NKAIN4: variants seen among roughly 807,000 people sequenced by gnomAD.
The protein encoded by NKAIN4 is sodium/potassium-transporting ATPase subunit beta-1-interacting protein 4.
NKAIN4 carries 28 observed loss-of-function variants against 28.8 expected under a neutral mutation model. The observed-to-expected ratio is 0.97, with a 90% CI of 0.72 to 1.33. NKAIN4 has a LOEUF of 1.33. NKAIN4 is among the 40% of genes most tolerant of loss of function. NKAIN4 has a pLI of 0.00. For synonymous variants in NKAIN4, 122 were observed against 115.6 expected, an observed-to-expected ratio of 1.06 and a Z score of -0.36; for missense variants, 289 against 277.2, an observed-to-expected ratio of 1.04 and a Z score of -0.30.
rs1365314254 is a variant in NKAIN4 at position 63,252,399 on chromosome 20, G to A, written c.54+1998C>T. 1.3e-5 allele frequency among the ~76,000 whole-genome samples: 2 copies of A among 152,032 alleles called. No homozygotes were observed. The highest frequency in any genetic ancestry group is 2.9e-5 in the Non-Finnish European group (2 of 67,998). On this transcript the variant is annotated intron_variant, in intron 1 of 6. Transcript: ENST00000370316. This position sits in a 1 kb window ranked among gnomAD's most constrained non-coding sequence, Gnocchi z 4.6. ...CACACTGTTCTTTGGGGAGAAAGGC[G>A]CTCAGAAGAGATGCCTGGGCCCTTT... is the stretch of plus-strand genomic sequence containing the variant.
At chr20:63,253,463 TC>T in intron 1 of NKAIN4, 1 of 985,526 alleles carries the variant, frequency 1.0e-6, no homozygotes, top group South Asian at 4.7e-5. Flanking sequence ...TGCTCAAAAC[TC>T]TGAAACAGCC....
At chr20:63,254,869 A>C, upstream of NKAIN4, 1 of 163,270 alleles carries the variant, frequency 6.1e-6, no homozygotes, top group East Asian at 1.7e-4. Flanking sequence ...ATCCCCATCA[A>C]CCTTCCCCGT....
At chr20:63,254,570 T>TCCCGTTCCCCCCTCCC, upstream of NKAIN4, 2 of 576,164 alleles carry the variant, frequency 3.5e-6, no homozygotes, top group Non-Finnish European at 4.6e-6. Flanking sequence ...TCCCCCCTCC[T>TCCCGTTCCCCCCTCCC]CCCCGCAACC....
upstream of NKAIN4, chr20:63,254,527 C>A: frequency 9.0e-7 from 1 of 1,113,758 alleles, no homozygotes; most frequent in Non-Finnish European, 1.1e-6. Context: ...CCCCACGCGC[C>A]GCAGCCTGGA....
chr20:63,249,872 G>T lies in NKAIN4; in HGVS notation c.192+63C>A. ...GAAAATATGCCAGGATGGTGCCATGGGAGCCGCCATCCTGGTCACCTCAAC... is the reference window on the plus strand; with the variant it reads ...GAAAATATGCCAGGATGGTGCCATGTGAGCCGCCATCCTGGTCACCTCAAC... On this transcript the variant is annotated intron_variant, in intron 2 of 6. Transcript: ENST00000370316. 3 of 1,516,028 alleles carry T rather than the reference G, an allele frequency of 2.0e-6. No individual in the cohort carries two copies. The Admixed American group carries it at 6.0e-5, about 30-fold the overall frequency. 93.9% of individuals were successfully genotyped at this position (1,516,028 alleles called of 1,614,324 possible). A position where few individuals can be genotyped will look rare whatever the true frequency, so the allele number is the denominator to read the frequency against.
rs1450879995 is a variant in NKAIN4 at position 63,242,566 on chromosome 20, G to A, written c.590C>T (p.Ser197Phe). 3 of 1,613,304 alleles carry A rather than the reference G, an allele frequency of 1.9e-6. No individual in the cohort carries two copies. Among genetic ancestry groups the A allele is most frequent in the African/African-American group, 2.7e-5 (2 of 74,910 alleles). ...GTACACCTGCTTGGACAAGAGACTG[G>A]ATGGCTTTTCATTGACATGGTAGAG... ...FPLYHVNEKP[S>F]SLLSKQVYLP... The change falls in exon 6 of 7, where the codon TCC becomes TTC. Residue 197 changes from serine (S) to phenylalanine (F), a missense_variant. Ser to Phe is a radical substitution (Grantham distance 155, BLOSUM62 -2). Transcript: ENST00000370316.
At chr20:63,243,900 C>T in intron 5 of NKAIN4, 124 bp downstream of exon 5, 2 of 768,220 alleles carry the variant, frequency 2.6e-6, no homozygotes, top group Non-Finnish European at 4.4e-6. Context: ...GAGCAAGGCC[C>T]TGCTGGGCGT....
At chr20:63,253,605 T>C (rs949861617) in intron 1 of NKAIN4, 2 of 787,414 alleles carry the variant, frequency 2.5e-6, no homozygotes, top group African/African-American at 3.8e-5. Context: ...CAAAGCAGCT[T>C]CCCCAGCCTG....
In NKAIN4 at chr20:63,244,062, C is replaced by A; in HGVS notation, c.494G>T (p.Cys165Phe). Residue 165 changes from cysteine (C) to phenylalanine (F), a missense_variant, in exon 5 of 7, where the codon TGC (cysteine) becomes TTC (phenylalanine). Physicochemically the swap from Cys to Phe is radical, Grantham distance 205 (BLOSUM62 -2). Transcript: ENST00000370316. ...CTCCGTAAACACGCTGACCACCTGGCAGCCACAGACAAAGCCCAGAAGCTG... is the reference window on the plus strand; with the variant it reads ...CTCCGTAAACACGCTGACCACCTGGAAGCCACAGACAAAGCCCAGAAGCTG... ...LIALLGFVCG[C>F]QVVSVFTEEE... 6.2e-7 allele frequency: 1 copy of A among 1,613,882 alleles called. No individual in the cohort carries two copies. Among genetic ancestry groups the A allele is most frequent in the Admixed American group, 1.7e-5 (1 of 59,984 alleles).
At chr20:63,253,586 G>C (rs2066998894) in intron 1 of NKAIN4, 1 of 887,024 alleles carries the variant, frequency 1.1e-6, no homozygotes, top group African/African-American at 1.8e-5. Context: ...GGGCCAATTA[G>C]CATCGAAGCA....
chr20:63,246,177 C>T (rs2066853520), intron 4 of NKAIN4, among the ~76,000 whole-genome samples: 1 of 152,226 alleles, frequency 6.6e-6, no homozygotes, highest in Admixed American at 6.5e-5. Flanking sequence ...ATCCGCCTGC[C>T]TCGGCCTCCC....
In NKAIN4 at chr20:63,249,970, C is replaced by T. The variant is rs147137550; in HGVS notation, c.157G>A (p.Gly53Ser). 321 of 1,613,430 alleles carry T rather than the reference C, an allele frequency of 2.0e-4. No homozygotes were observed. The African/African-American group carries it at 4.0e-3, about 20-fold the overall frequency. Reference protein sequence around the residue: ...HIIIVILGLFGTIQYRLRYVM... With the variant: ...HIIIVILGLFSTIQYRLRYVM... ...TAGCGCAGCCGGTACTGGATGGTGC[C>T]GAAGAGTCCCAGGATGACGATGATG... The change falls in exon 2 of 7, where the codon GGC (glycine) becomes AGC (serine). Residue 53 changes from glycine (G) to serine (S), a missense_variant. By Grantham distance (56) the Gly-to-Ser change is moderately conservative (BLOSUM62 0). Coordinates refer to ENST00000370316, the MANE Select transcript of NKAIN4 (RefSeq NM_152864.4).
upstream of NKAIN4, chr20:63,254,819 T>A (rs1193235227): frequency 5.2e-6 from 1 of 192,122 alleles, no homozygotes; most frequent in Non-Finnish European, 1.1e-5. Flanking sequence ...CAGGATGACC[T>A]GCCCAGCACC....
chr20:63,248,501 T>G, intron 3 of NKAIN4: 6 of 296,916 alleles, frequency 2.0e-5, no homozygotes, highest in South Asian at 8.4e-5. Flanking sequence ...CCCAGGAGGG[T>G]GGTGTCCATT....
In NKAIN4 at chr20:63,242,664, ATGG is replaced by A; in HGVS notation, c.533-44_533-42del. The A allele has an allele frequency of 6.8e-6, 10 of 1,470,138 alleles. 1 individual carries two copies. In the Middle Eastern group the frequency reaches 1.7e-3, roughly 254 times the overall value. 91.1% of individuals were successfully genotyped at this position (1,470,138 alleles called of 1,614,324 possible). On this transcript the variant is annotated intron_variant, in intron 5 of 6. Coordinates refer to ENST00000370316, the MANE Select transcript of NKAIN4 (RefSeq NM_152864.4). ...ACCCAAATAAAACAAAACCTACACA[ATGG>A]AAAAGATGTCAGAGTGGAAAACAAG...
chr20:63,248,414 T>G, intron 3 of NKAIN4: 2 of 189,290 alleles, frequency 1.1e-5, no homozygotes, highest in Non-Finnish European at 2.2e-5. Flanking sequence ...TTTCCCCTGG[T>G]TCCCTGCATT....
intron 2 of NKAIN4, chr20:63,249,239 C>T: frequency 3.1e-6 from 1 of 326,416 alleles, no homozygotes; most frequent in South Asian, 2.9e-5. Context: ...ACAGCACAGG[C>T]CTCCACTGCA....
At chr20:63,251,739 A>G (rs1396578967) in intron 1 of NKAIN4, among the ~76,000 whole-genome samples, 1 of 152,208 alleles carries the variant, frequency 6.6e-6, no homozygotes, top group Non-Finnish European at 1.5e-5. Context: ...GATGAATGAT[A>G]TTCATATATA....
chr20:63,252,462 CAA>C lies in NKAIN4; in HGVS notation c.54+1933_54+1934del, dbSNP rs374712050. ...GGTAACACAAAATTCTCACACTTGTCAAAAAAAAAAAGGGGCTATCCAACAAC... is the reference window on the plus strand; with the variant it reads ...GGTAACACAAAATTCTCACACTTGTCAAAAAAAAAGGGGCTATCCAACAAC... On this transcript the variant is annotated intron_variant, in intron 1 of 6. Transcript: ENST00000370316. The surrounding 1 kb of genome is among the most constrained non-coding windows in gnomAD (Gnocchi z 4.6). 6.8e-6 allele frequency among the ~76,000 whole-genome samples: 1 copy of C among 147,620 alleles called. No homozygotes were observed. The highest frequency in any genetic ancestry group is 1.5e-5 in the Non-Finnish European group (1 of 66,582).
Sources: allele counts gnomAD v4.1 joint callset (sites outside exome capture counted in the v4.1 genomes callset), GRCh38; gene constraint gnomAD v4.1.1; non-coding constraint Gnocchi (gnomAD v3.1); transcripts MANE v1.5; gene names NCBI Gene and HGNC (gene_info 2026-07-23, HGNC 2026-07-21).